The following POLG variants were observed in gnomAD, a reference collection of about 807,000 sequenced individuals.
POLG encodes DNA polymerase subunit gamma-1.
A neutral mutation model predicts 155.4 loss-of-function variants in POLG; 110 were observed. The ratio of observed to expected loss-of-function variants is 0.71; its 90% CI spans 0.61 to 0.83. The LOEUF (loss-of-function observed/expected upper bound fraction) is 0.83, where lower values mean the gene tolerates loss of function less well. POLG is among the 40% of genes least tolerant of loss of function. The probability of loss-of-function intolerance (pLI) is 0.00; values close to 1 mark genes in which losing one functional copy is unlikely to be tolerated. For missense variants in POLG, 1,685 were observed against 1,627.5 expected, an observed-to-expected ratio of 1.04 and a Z score of -0.61; for synonymous variants, 701 against 631.5, an observed-to-expected ratio of 1.11 and a Z score of -1.65.
At position 89,325,700 on chromosome 15, in the gene POLG, G is replaced by A; in HGVS notation, c.1713-14C>T. The A allele has an allele frequency of 6.3e-7, 1 of 1,577,888 alleles. No individual in the cohort carries two copies. Among genetic ancestry groups the A allele is most frequent in the Non-Finnish European group, 8.6e-7 (1 of 1,156,654 alleles). On this transcript the variant is annotated splice_polypyrimidine_tract_variant and intron_variant, in intron 9 of 22. Transcript: ENST00000268124. ...TTCCGGTACCATCTACGTCCCAGCAGGAAGACAGCAGTGTCACGATGGTAA... is the reference window on the plus strand; with the variant it reads ...TTCCGGTACCATCTACGTCCCAGCAAGAAGACAGCAGTGTCACGATGGTAA...
At chr15:89,321,881 G>A (rs1244049865) in intron 15 of POLG, 28 bp from the exon 16 acceptor site, 1 of 1,608,012 alleles carries the variant, frequency 6.2e-7, no homozygotes, top group Admixed American at 1.7e-5. Flanking sequence ...AAGGAAATGG[G>A]TCTTAGCAGG....
chr15:89,330,412 C>A (rs1326380271), intron 2 of POLG, 136 bp from the exon 3 acceptor site: 3 of 742,996 alleles, frequency 4.0e-6, no homozygotes, highest in Non-Finnish European at 4.7e-6. Flanking sequence ...AAAGGGTGCT[C>A]CTAACTCAAA....
chr15:89,323,370 A>G lies in POLG; in HGVS notation c.2265+34T>C, dbSNP rs753767454. 3 of 1,389,436 alleles carry G rather than the reference A, an allele frequency of 2.2e-6. No homozygotes were observed. In the Admixed American group the frequency reaches 5.1e-5, roughly 23 times the overall value. 86.1% of individuals were successfully genotyped at this position (1,389,436 alleles called of 1,614,324 possible). Reference sequence around the variant, plus strand: ...CTGTGGGCCTTGAGCAGAATGAGGAAACACCACAGGACAGGCCATGACCCA... The same window carrying G: ...CTGTGGGCCTTGAGCAGAATGAGGAGACACCACAGGACAGGCCATGACCCA... On this transcript the variant is annotated intron_variant, in intron 13 of 22. Transcript: ENST00000268124.
Position 89,333,596 on chromosome 15 carries a change from TTGCTGCTGCTGCTGCTGC to T in POLG, c.141_158del (p.Gln50_Gln55del), listed in dbSNP as rs41550117. On this transcript the variant is annotated inframe_deletion, in exon 2 of 23. Transcript: ENST00000268124. ...GCACTTGCGGCTGCTGAGGCTGCTG[TTGCTGCTGCTGCTGCTGC>T]TGCTGCTGCTGCTGCCGCCGCCGCT... 147 of 1,598,104 alleles carry T rather than the reference TTGCTGCTGCTGCTGCTGC, an allele frequency of 9.2e-5. No homozygotes were observed. Among genetic ancestry groups the T allele is most frequent in the African/African-American group, 1.5e-4 (11 of 74,160 alleles).
chr15:89,334,000 G>T, intron 1 of POLG, 87 bp from the exon 2 acceptor site: 1 of 577,742 alleles, frequency 1.7e-6, no homozygotes, highest in East Asian at 3.0e-5. Flanking sequence ...CATTTACTGC[G>T]TCCCCAACAC....
At position 89,319,359 on chromosome 15, in the gene POLG, AGT is replaced by A; in HGVS notation, c.2982-11_2982-10del. The A allele has an allele frequency of 6.2e-7, 1 of 1,613,660 alleles. No homozygotes were observed. Among genetic ancestry groups the A allele is most frequent in the Non-Finnish European group, 8.5e-7 (1 of 1,180,018 alleles). ...CATCCGACAGCCGATACCTGGGGGC[AGT>A]GTTATCACCATCATTCCACGGGAGT... is the stretch of plus-strand genomic sequence containing the variant. On this transcript the variant is annotated splice_polypyrimidine_tract_variant and intron_variant, in intron 18 of 22. Transcript: ENST00000268124.
At chr15:89,325,894 C>T (rs1016569684) in intron 9 of POLG, among the ~76,000 whole-genome samples, 1 of 152,202 alleles carries the variant, frequency 6.6e-6, no homozygotes, top group African/African-American at 2.4e-5. Context: ...AGCAAAGACA[C>T]TAAGTCAGTC....
At chr15:89,322,141 G>A (rs1487101715) in intron 14 of POLG, 126 bp from the exon 15 acceptor site, 2 of 910,102 alleles carry the variant, frequency 2.2e-6, no homozygotes, top group South Asian at 2.7e-5. Context: ...CTCACTAACT[G>A]GACTCAAGGT....
rs752556685 is a variant in POLG at position 89,333,607 on chromosome 15, G to T, written c.148C>A (p.Gln50Lys). ...RRRQQQQQQQ[Q>K]QQQQQPQQPQ... ...TGCTGAGGCTGCTGTTGCTGCTGCT[G>T]CTGCTGCTGCTGCTGCTGCTGCCGC... is the stretch of plus-strand genomic sequence containing the variant. The change falls in exon 2 of 23, where the codon CAG (glutamine) becomes AAG (lysine). Residue 50 changes from glutamine to lysine, a missense_variant. By Grantham distance (53) the Gln-to-Lys change is moderately conservative. Transcript: ENST00000268124. 4 of 1,593,050 alleles carry T rather than the reference G, an allele frequency of 2.5e-6. No homozygotes were observed. Among genetic ancestry groups the T allele is most frequent in the Middle Eastern group, 1.7e-4 (1 of 5,992 alleles).
At chr15:89,325,102 G>GAGAA (rs2055468338) in intron 10 of POLG, among the ~76,000 whole-genome samples, 1 of 77,714 alleles carries the variant, frequency 1.3e-5, no homozygotes, top group African/African-American at 8.5e-5. Flanking sequence ...GTGAGTGAGA[G>GAGAA]AGTGAGAGAG....
rs1267854264 is a variant in POLG at position 89,318,877 on chromosome 15, C to G, written c.3273+54G>C. 24 of 1,600,932 alleles carry G rather than the reference C, an allele frequency of 1.5e-5. No individual in the cohort carries two copies. The South Asian group carries it at 2.1e-4, about 14-fold the overall frequency. On this transcript the variant is annotated intron_variant, in intron 20 of 22. Coordinates refer to ENST00000268124, the MANE Select transcript of POLG (RefSeq NM_002693.3). ...ACATTGGTAAGGTCCACAGGGAGCTCTGCCCTGCCCTCCCTGGGGCCCCTC... is the reference window on the plus strand; with the variant it reads ...ACATTGGTAAGGTCCACAGGGAGCTGTGCCCTGCCCTCCCTGGGGCCCCTC...
chr15:89,325,434 T>G lies in POLG; in HGVS notation c.1949+16A>C. 1 of 1,565,422 alleles carries G rather than the reference T, an allele frequency of 6.4e-7. No homozygotes were observed. Among genetic ancestry groups the G allele is most frequent in the South Asian group, 1.1e-5 (1 of 90,406 alleles). ...CCTAGGCTCCAGCCCCTTCCTCCCC[T>G]GGGCCTAAGCCTTACCTGTAGGGGC... is the stretch of plus-strand genomic sequence containing the variant. On this transcript the variant is annotated intron_variant, in intron 10 of 22. Coordinates refer to ENST00000268124, the MANE Select transcript of POLG (RefSeq NM_002693.3).
Position 89,326,654 on chromosome 15 carries a change from T to A in POLG, c.1670A>T (p.Glu557Val). ...ACLQKLKGTT[E>V]LLPKRPQHLP... ...GTGCTGGGGCCGCTTGGGCAGGAGC[T>A]CTGTGGTCCCCTTCAGCTTCTGCAA... Residue 557 changes from glutamate (E) to valine (V), a missense_variant, in exon 9 of 23, where the codon GAG becomes GTG. By Grantham distance (121) the Glu-to-Val change is moderately radical. This residue lies in a region of POLG where 1,210 missense variants were observed against 1,167.1 expected (regional missense o/e 1.04). Transcript: ENST00000268124. 3 of 1,614,040 alleles carry A rather than the reference T, an allele frequency of 1.9e-6. No individual in the cohort carries two copies. Among genetic ancestry groups the A allele is most frequent in the Non-Finnish European group, 2.5e-6 (3 of 1,180,006 alleles).
rs778788112 is a variant in POLG at position 89,316,854 on chromosome 15, A to C, written c.3644-27T>G. 5.2e-6 allele frequency: 8 copies of C among 1,534,598 alleles called. No homozygotes were observed. The South Asian group carries it at 7.8e-5, about 15-fold the overall frequency. On this transcript the variant is annotated intron_variant, in intron 22 of 22. Transcript: ENST00000268124. The stretch of plus-strand genomic sequence containing the variant: ...TGAAAGATAGTGCAAATTGGTTAGG[A>C]TGCCACCTCAAGAACTGTAACTGAG...
chr15:89,319,291 C>T lies in POLG; in HGVS notation c.3041G>A (p.Arg1014Lys), dbSNP rs1368475929. 3.7e-6 allele frequency: 6 copies of T among 1,614,162 alleles called. No homozygotes were observed. The highest frequency in any genetic ancestry group is 4.2e-6 in the Non-Finnish European group (5 of 1,180,022). ...CAGGGAAATCCAGCCACCCTCAGTC[C>T]TGTCCACTGGGAGGTTCAACTCCCT... Reference protein sequence around the residue: ...LVRELNLPVDRTEGGWISLQD... With the variant: ...LVRELNLPVDKTEGGWISLQD... Residue 1014 changes from arginine to lysine, a missense_variant, in exon 19 of 23, where the codon AGG (arginine) becomes AAG (lysine). Physicochemically the swap from Arg to Lys is conservative, Grantham distance 26. Around this residue, in one of 3 missense-constraint regions of POLG, gnomAD observed 470 missense variants for 439.9 expected, o/e 1.07. Transcript: ENST00000268124.
intron 19 of POLG, 62 bp downstream of exon 19, chr15:89,319,166 C>T: frequency 6.2e-7 from 1 of 1,614,150 alleles, no homozygotes; most frequent in Non-Finnish European, 8.5e-7. Context: ...ACAAAGCATC[C>T]AAGCTCTTCT....
At position 89,318,945 on chromosome 15, in the gene POLG, C is replaced by A; in HGVS notation, c.3259G>T (p.Ala1087Ser). ...CCISRALEPS[A>S]VQEEFMTSRV... Reference sequence around the variant, plus strand: ...TAGCAAGATACCTCTTCCTGGACAGCCGAGGGCTCCAGGGCTCGGCTGATG... The same window carrying A: ...TAGCAAGATACCTCTTCCTGGACAGACGAGGGCTCCAGGGCTCGGCTGATG... Residue 1087 changes from alanine (A) to serine (S), a missense_variant, in exon 20 of 23, where the codon GCT becomes TCT. By Grantham distance (99) the Ala-to-Ser change is moderately conservative. This residue lies in a region of POLG where 470 missense variants were observed against 439.9 expected (regional missense o/e 1.07). Coordinates refer to ENST00000268124, the MANE Select transcript of POLG (RefSeq NM_002693.3). 1 of 1,614,146 alleles carries A rather than the reference C, an allele frequency of 6.2e-7. No individual in the cohort carries two copies. The highest frequency in any genetic ancestry group is 2.2e-5 in the East Asian group (1 of 44,882).
chr15:89,333,850 CGTCCT>C lies in POLG; in HGVS notation c.-101_-97del. ...TGGCTGGAAGACGTGGAGAGAGACACGTCCTGTCTCTGCTCTCCTGTCAGTGAAAT... is the reference window on the plus strand; with the variant it reads ...TGGCTGGAAGACGTGGAGAGAGACACGTCTCTGCTCTCCTGTCAGTGAAAT... On this transcript the variant is annotated 5_prime_UTR_variant, in exon 2 of 23. An upstream open reading frame in the 5' UTR loses its in-frame stop. Coordinates refer to ENST00000268124, the MANE Select transcript of POLG (RefSeq NM_002693.3). The C allele has an allele frequency of 7.2e-7, 1 of 1,379,816 alleles. No individual in the cohort carries two copies. The highest frequency in any genetic ancestry group is 9.9e-7 in the Non-Finnish European group (1 of 1,006,704). 85.5% of individuals were successfully genotyped at this position (1,379,816 alleles called of 1,614,324 possible).
At chr15:89,319,405 G>T in intron 18 of POLG, 55 bp from the exon 19 acceptor site, 1 of 1,607,044 alleles carries the variant, frequency 6.2e-7, no homozygotes, top group Non-Finnish European at 8.5e-7. Context: ...TGCCACGCTA[G>T]TGCCTTGGCA....
Sources: gnomAD v4.1 joint callset for allele counts (sites outside exome capture counted in the v4.1 genomes callset) on GRCh38, gnomAD v4.1.1 for gene constraint, gnomAD v4.1.1 regional missense constraint, MANE v1.5 for transcripts, NCBI Gene and HGNC (gene_info 2026-07-23, HGNC 2026-07-21) for gene names.